Variants in SHOX observed in about 807,000 individuals in gnomAD.
The protein encoded by SHOX is short stature homeobox protein.
A neutral mutation model predicts 29.6 loss-of-function variants in SHOX; 12 were observed. The observed-to-expected ratio is 0.41, with a 90% confidence interval of 0.26 to 0.66. The LOEUF (loss-of-function observed/expected upper bound fraction) is 0.66, where lower values mean the gene tolerates loss of function less well. Among genes scored for constraint, SHOX ranks in the 30% least tolerant of loss-of-function variants. SHOX has a pLI of 0.35. For synonymous variants in SHOX, 214 were observed against 200.6 expected (o/e 1.07, Z -0.57); for missense variants, 499 against 437.7 (o/e 1.14, Z -1.25).
intron 5 of SHOX, chrX:658,661 G>A (rs973364440): frequency 6.9e-5 from 13 of 188,030 alleles, no homozygotes; most frequent in African/African-American, 1.9e-4. Context: ...TAGTAGAGAC[G>A]GGGTTTCACC....
intron 4 of SHOX, 97 bp from the exon 5 acceptor site, chrX:644,294 G>A: frequency 7.2e-7 from 1 of 1,395,790 alleles, no homozygotes; most frequent in East Asian, 2.9e-5. Flanking sequence ...GCTCCCTAGG[G>A]GAGAAGAGGC....
upstream of SHOX, among the ~76,000 whole-genome samples, chrX:626,559 T>C (rs865834812): frequency 0.037 from 1,480 of 39,882 alleles, 293 homozygotes; most frequent in African/African-American, 0.05. Flanking sequence ...TCTCTCCTCT[T>C]TTTCTCTGTC....
Position 644,717 on chromosome X carries a change from G to A in SHOX, c.*81G>A, listed in dbSNP as rs1051319745. On this transcript the variant is annotated 3_prime_UTR_variant, in exon 5 of 5. Transcript: ENST00000686671. ...CACCGCGCGTCCTGCACTCAACCCC[G>A]CCTGGAGCTCCTTCCGCGGCCACCG... is the stretch of plus-strand genomic sequence containing the variant. The A allele has an allele frequency of 1.3e-5, 18 of 1,340,972 alleles. No homozygotes were observed. The African/African-American group carries it at 2.2e-4, about 16-fold the overall frequency. The allele number at this position is 1,340,972 out of a possible 1,614,324, so 83.1% of individuals were successfully genotyped here.
At position 650,285 on chromosome X, in the gene SHOX, C is replaced by A. The variant is rs968203772; in HGVS notation, c.*5649C>A. 9.8e-5 allele frequency among the ~76,000 whole-genome samples: 15 copies of A among 152,294 alleles called. No homozygotes were observed. Among genetic ancestry groups the A allele is most frequent in the Non-Finnish European group, 1.8e-4 (12 of 68,030 alleles). On this transcript the variant is annotated 3_prime_UTR_variant, in exon 5 of 5. Coordinates refer to ENST00000686671, the MANE Select transcript of SHOX (RefSeq NM_000451.4). Reference sequence around the variant, plus strand: ...TGGTGTCTCCCGTACGGGAAGGAGGCCTTTGGGCCGCTCCAAAGACGCCCT... The same window carrying A: ...TGGTGTCTCCCGTACGGGAAGGAGGACTTTGGGCCGCTCCAAAGACGCCCT...
At chrX:624,874 C>CTTTCT (rs2052481915) in intron 1 of SHOX, among the ~76,000 whole-genome samples, 1 of 26,332 alleles carries the variant, frequency 3.8e-5, no homozygotes, top group South Asian at 1.1e-3. Flanking sequence ...TTCTTTCTTT[C>CTTTCT]TTTCTTTCTT....
chrX:626,805 GTCTCTCTT>G (rs746467860), upstream of SHOX, among the ~76,000 whole-genome samples: 73 of 126,150 alleles, frequency 5.8e-4, 2 homozygotes, highest in African/African-American at 2.2e-3. Context: ...CTCTATCTCT[GTCTCTCTT>G]TCTCTCTCTC....
upstream of SHOX, among the ~76,000 whole-genome samples, chrX:626,127 C>T (rs1187983096): frequency 2.9e-5 from 1 of 34,872 alleles, no homozygotes. Flanking sequence ...CTCTCTCTCT[C>T]CTCTCTCTCT....
chrX:658,336 TAGAC>T (rs1391359838), intron 5 of SHOX, among the ~76,000 whole-genome samples: 4 of 152,144 alleles, frequency 2.6e-5, no homozygotes, highest in Middle Eastern at 3.4e-3. Context: ...ACCATGAAGA[TAGAC>T]AGACTCAGTG....
At chrX:631,871 C>T (rs1351762229) in intron 1 of SHOX, 6 of 455,816 alleles carry the variant, frequency 1.3e-5, no homozygotes, top group Non-Finnish European at 2.6e-5. Context: ...CTGTCTCTGC[C>T]TGTCTGCCTT....
chrX:631,254 C>G, intron 1 of SHOX, 80 bp downstream of exon 1: 2 of 1,543,690 alleles, frequency 1.3e-6, no homozygotes, highest in Non-Finnish European at 1.8e-6. Context: ...GCCCCGCGCG[C>G]CCCTCGCTGT....
In SHOX at chrX:631,179, G is replaced by A; in HGVS notation, c.277+5G>A. On this transcript the variant is annotated splice_donor_5th_base_variant and intron_variant, in intron 1 of 4. Coordinates refer to ENST00000686671, the MANE Select transcript of SHOX (RefSeq NM_000451.4). ...GCACCGCGAGAGTGGCAGAAGGTAAGTTCCTTTGCGCTCCGGCTCCAGGGG... is the reference window on the plus strand; with the variant it reads ...GCACCGCGAGAGTGGCAGAAGGTAAATTCCTTTGCGCTCCGGCTCCAGGGG... The A allele has an allele frequency of 6.2e-7, 1 of 1,612,494 alleles. No homozygotes were observed. Among genetic ancestry groups the A allele is most frequent in the Non-Finnish European group, 8.5e-7 (1 of 1,179,664 alleles).
chrX:638,814 C>G (rs1221886024), intron 2 of SHOX, among the ~76,000 whole-genome samples: 1 of 152,226 alleles, frequency 6.6e-6, no homozygotes, highest in East Asian at 1.9e-4. Flanking sequence ...CGTGTTTTGC[C>G]CACAACAGCC....
downstream of SHOX, among the ~76,000 whole-genome samples, chrX:652,440 A>T (rs1203379261): frequency 1.3e-5 from 2 of 151,250 alleles, no homozygotes; most frequent in Non-Finnish European, 1.5e-5. Flanking sequence ...GTGATAAAAA[A>T]CACATGTGAG....
chrX:648,942 C>CTTTTCTTTCTTTTTTTCTTTCT lies in SHOX; in HGVS notation c.*4318_*4319insTTTTCTTTCTTTTTCTTTCTTT, dbSNP rs1556471587. 2.1e-5 allele frequency among the ~76,000 whole-genome samples: 3 copies of CTTTTCTTTCTTTTTTTCTTTCT among 145,930 alleles called. No homozygotes were observed. Among genetic ancestry groups the CTTTTCTTTCTTTTTTTCTTTCT allele is most frequent in the Non-Finnish European group, 3.0e-5 (2 of 66,454 alleles). On this transcript the variant is annotated 3_prime_UTR_variant, in exon 5 of 5. Coordinates refer to ENST00000686671, the MANE Select transcript of SHOX (RefSeq NM_000451.4). ...TTTTTCTTTCTTTCTCTCTTTCTTTCTTTTCTTTCTTTCTGTTTCTTTCCT... is the reference window on the plus strand; with the variant it reads ...TTTTTCTTTCTTTCTCTCTTTCTTTCTTTTCTTTCTTTTTTTCTTTCTTTTTCTTTCTTTCTGTTTCTTTCCT...
intron 1 of SHOX, among the ~76,000 whole-genome samples, chrX:631,630 C>T (rs1167840198): frequency 2.6e-5 from 4 of 152,184 alleles, no homozygotes; most frequent in African/African-American, 4.8e-5. Flanking sequence ...CTCCTGGGTT[C>T]AAGCGATTCT....
rs2052924018 is a variant in SHOX at position 644,319 on chromosome X, C to CGG, written c.634-68_634-67dup. 26 of 1,441,714 alleles carry CGG rather than the reference C, an allele frequency of 1.8e-5. No individual in the cohort carries two copies. The South Asian group carries it at 3.1e-4, about 17-fold the overall frequency. The allele number at this position is 1,441,714 out of a possible 1,614,324, so 89.3% of individuals were successfully genotyped here. On this transcript the variant is annotated intron_variant, in intron 4 of 4. Coordinates refer to ENST00000686671, the MANE Select transcript of SHOX (RefSeq NM_000451.4). ...GGAGAAGAGGCACGTTGGAGGTTTC[C>CGG]GGGGGCGCGGGGCGGAGCAGGCCCC...
At chrX:626,239 T>C (rs1243922276), upstream of SHOX, among the ~76,000 whole-genome samples, 2 of 150,330 alleles carry the variant, frequency 1.3e-5, no homozygotes, top group African/African-American at 2.5e-5. Flanking sequence ...TCTGTCTCTC[T>C]TTCTCTCTCT....
At chrX:635,912 C>A (rs2399901) in intron 2 of SHOX, among the ~76,000 whole-genome samples, 28,634 of 150,584 alleles carry the variant, frequency 0.19, 3,113 homozygotes, top group Non-Finnish European at 0.23. Flanking sequence ...ACCCTGGGGA[C>A]CCCGTCAAAA....
intron 4 of SHOX, among the ~76,000 whole-genome samples, chrX:641,379 T>C (rs776347098): frequency 1.3e-5 from 2 of 151,858 alleles, no homozygotes; most frequent in East Asian, 3.9e-4. Context: ...CTGGCCAACT[T>C]AACGAAACCC....
Sources: allele counts gnomAD v4.1 joint callset (sites outside exome capture counted in the v4.1 genomes callset), GRCh38; gene constraint gnomAD v4.1.1; transcripts MANE v1.5; gene names NCBI Gene and HGNC (gene_info 2026-07-23, HGNC 2026-07-21).